Variants in OSBPL2 observed in about 807,000 individuals in gnomAD.
OSBPL2 encodes the protein oxysterol-binding protein-related protein 2.
OSBPL2 carries 18 observed loss-of-function variants against 58.4 expected under a neutral mutation model. The ratio of observed to expected loss-of-function variants is 0.31; its 90% CI spans 0.21 to 0.46. The LOEUF (loss-of-function observed/expected upper bound fraction) is 0.46, where lower values mean the gene tolerates loss of function less well. OSBPL2 is among the 20% of genes least tolerant of loss of function. OSBPL2 has a pLI of 1.00. For synonymous variants in OSBPL2, 221 were observed against 234.1 expected (o/e 0.94, Z 0.51); for missense variants, 461 against 616.5 (o/e 0.75, Z 2.67).
At chr20:62,251,248 G>T (rs927760869) in intron 1 of OSBPL2, among the ~76,000 whole-genome samples, 8 of 151,124 alleles carry the variant, frequency 5.3e-5, no homozygotes, top group African/African-American at 1.9e-4. Flanking sequence ...TAGAGACAGG[G>T]TTTCACTGTG....
intron 2 of OSBPL2, 22 bp from the exon 3 acceptor site, chr20:62,259,959 A>T: frequency 6.2e-7 from 1 of 1,604,568 alleles, no homozygotes; most frequent in South Asian, 1.1e-5. Context: ...AGCGAAAATG[A>T]CCATTTTCTT....
rs1982963064 is a variant in OSBPL2, at chr20:62,284,106, T to C, written c.933T>C (p.Pro311=). The C allele has an allele frequency of 1.2e-6, 2 of 1,614,054 alleles. No homozygotes were observed. The highest frequency in any genetic ancestry group is 8.5e-7 in the Non-Finnish European group (1 of 1,179,996). ...CGGAATGTTTGTGGGGCATAGATCC[T>C]GTTTCGTATGAATCCTTCAAGAAGC... ...KWTECLWGID[P]VSYESFKKQE... is the part of the protein sequence containing the mutation. Residue 311 remains proline, a synonymous_variant, in exon 10 of 14, where the codon CCT becomes CCC. Coordinates refer to ENST00000313733, the MANE Select transcript of OSBPL2 (RefSeq NM_144498.4).
Position 62,284,181 on chromosome 20 carries a change from G to A in OSBPL2, c.996+12G>A, listed in dbSNP as rs1355915298. 3 of 1,614,024 alleles carry A rather than the reference G, an allele frequency of 1.9e-6. 1 individual carries two copies. Among genetic ancestry groups the A allele is most frequent in the South Asian group, 2.2e-5 (2 of 91,076 alleles). On this transcript the variant is annotated intron_variant, in intron 10 of 13. Coordinates refer to ENST00000313733, the MANE Select transcript of OSBPL2 (RefSeq NM_144498.4). Reference sequence around the variant, plus strand: ...GAAAGGCCAAGCTGGTAAGGGCTGGGGCGTCCCCGGGCAGAGCTGAGCCCT... The same window carrying A: ...GAAAGGCCAAGCTGGTAAGGGCTGGAGCGTCCCCGGGCAGAGCTGAGCCCT...
At chr20:62,251,037 A>ATT (rs35328509) in intron 1 of OSBPL2, among the ~76,000 whole-genome samples, 1,865 of 97,800 alleles carry the variant, frequency 0.019, 16 homozygotes, top group African/African-American at 0.025. Flanking sequence ...AGAGCAATAG[A>ATT]TTTTTTTTTT....
At chr20:62,279,125 A>G in intron 6 of OSBPL2, 32 bp from the exon 7 acceptor site, 6 of 1,571,474 alleles carry the variant, frequency 3.8e-6, no homozygotes, top group Non-Finnish European at 5.2e-6. Context: ...TGCTGCCATT[A>G]ATGTGTCTCT....
intron 1 of OSBPL2, among the ~76,000 whole-genome samples, chr20:62,253,704 G>A (rs1481668006): frequency 6.8e-6 from 1 of 147,258 alleles, no homozygotes; most frequent in Non-Finnish European, 1.5e-5. Context: ...AGAGAGAGAG[G>A]AGAGAGGGAA....
intron 12 of OSBPL2, 34 bp downstream of exon 12, chr20:62,289,364 G>A (rs1983343739): frequency 2.6e-5 from 42 of 1,604,808 alleles, no homozygotes; most frequent in Non-Finnish European, 3.5e-5. Flanking sequence ...GAAGCTTGGG[G>A]CCAAGGACGC....
In OSBPL2 at chr20:62,295,352, C is replaced by T. The variant is rs1205268294; in HGVS notation, c.*1465C>T. 1 of 152,222 alleles carries T rather than the reference C, an allele frequency of 6.6e-6. No individual in the cohort carries two copies. Among genetic ancestry groups the T allele is most frequent in the Admixed American group, 6.5e-5 (1 of 15,282 alleles). 9.4% of individuals were successfully genotyped at this position (152,222 alleles called of 1,614,324 possible). On this transcript the variant is annotated 3_prime_UTR_variant, in exon 14 of 14. Transcript: ENST00000313733. This position sits in a 1 kb window ranked among gnomAD's most constrained non-coding sequence, Gnocchi z 4.8. ...GTGCACGCACGCACACACTCATGCA[C>T]ACGCTGACACGCGGTTGCATGGAGT...
intron 1 of OSBPL2, among the ~76,000 whole-genome samples, chr20:62,252,443 C>T (rs980267198): frequency 1.3e-5 from 2 of 152,202 alleles, no homozygotes; most frequent in African/African-American, 2.4e-5. Context: ...GGTGTGCCCA[C>T]GCCTAAGAAG....
Position 62,256,090 on chromosome 20 carries a change from A to G in OSBPL2, c.-95A>G. On this transcript the variant is annotated 5_prime_UTR_variant, in exon 2 of 14. Coordinates refer to ENST00000313733, the MANE Select transcript of OSBPL2 (RefSeq NM_144498.4). ...TGTCTATTGGATTTTTCCAAGAGAA[A>G]GTTTGTAAAATTCCTTACACTGTAG... is the stretch of plus-strand genomic sequence containing the variant. 5 of 1,461,552 alleles carry G rather than the reference A, an allele frequency of 3.4e-6. No individual in the cohort carries two copies. Among genetic ancestry groups the G allele is most frequent in the South Asian group, 2.6e-5 (2 of 78,100 alleles). 90.5% of individuals were successfully genotyped at this position (1,461,552 alleles called of 1,614,324 possible). A position where few individuals can be genotyped will look rare whatever the true frequency, so the allele number is the denominator to read the frequency against.
Position 62,294,296 on chromosome 20 carries a change from G to C in OSBPL2, c.*409G>C, listed in dbSNP as rs770231057. The C allele has an allele frequency of 5.7e-6, 1 of 176,614 alleles. No individual in the cohort carries two copies. 10.9% of individuals were successfully genotyped at this position (176,614 alleles called of 1,614,324 possible). On this transcript the variant is annotated 3_prime_UTR_variant, in exon 14 of 14. Transcript: ENST00000313733. ...AAGGTTCTGAAAGCCTTTTAAACTC[G>C]AACCAGTGGGGGAAAGATGGATCTT...
In OSBPL2 at chr20:62,280,937, G is replaced by A. The variant is rs1319859375; in HGVS notation, c.675-121G>A. 2.4e-5 allele frequency: 17 copies of A among 720,210 alleles called. No homozygotes were observed. The East Asian group carries it at 2.5e-4, about 11-fold the overall frequency. 44.6% of individuals were successfully genotyped at this position (720,210 alleles called of 1,614,324 possible). A position where few individuals can be genotyped will look rare whatever the true frequency, so the allele number is the denominator to read the frequency against. Reference sequence around the variant, plus strand: ...TCCGTCGCAGGGGCTTCAAAGCAGCGTGCTGCTCTCCCGCGGGTGCCGGTT... The same window carrying A: ...TCCGTCGCAGGGGCTTCAAAGCAGCATGCTGCTCTCCCGCGGGTGCCGGTT... On this transcript the variant is annotated intron_variant, in intron 7 of 13. Transcript: ENST00000313733.
intron 8 of OSBPL2, 48 bp downstream of exon 8, chr20:62,281,213 A>G (rs1481285129): frequency 7.2e-7 from 1 of 1,391,546 alleles, no homozygotes; most frequent in South Asian, 1.2e-5. Context: ...CCGGGTGGGG[A>G]TGGGCGAGCC....
chr20:62,285,796 T>A (rs1213572303), intron 10 of OSBPL2: 1 of 148,768 alleles, frequency 6.7e-6, no homozygotes, highest in Non-Finnish European at 1.5e-5. Flanking sequence ...GGCCACTGAC[T>A]TCCTTCATCT....
intron 1 of OSBPL2, among the ~76,000 whole-genome samples, chr20:62,246,060 C>T (rs1208222703): frequency 3.3e-5 from 5 of 152,224 alleles, no homozygotes; most frequent in Admixed American, 2.0e-4. Flanking sequence ...GGCGCGGGGC[C>T]GGCTGCCATT....
intron 7 of OSBPL2, chr20:62,280,047 C>T (rs1982682491): frequency 7.7e-7 from 1 of 1,304,144 alleles, no homozygotes; most frequent in Admixed American, 2.3e-5. Flanking sequence ...CACAAGTCTC[C>T]AACAAATGCC....
At chr20:62,253,740 A>G (rs1251144506) in intron 1 of OSBPL2, among the ~76,000 whole-genome samples, 2 of 137,878 alleles carry the variant, frequency 1.5e-5, no homozygotes, top group Non-Finnish European at 3.2e-5. Flanking sequence ...GGGGGAGGCA[A>G]AGGGAGGGGG....
chr20:62,258,847 G>A (rs1271119743), intron 2 of OSBPL2: 1 of 152,202 alleles, frequency 6.6e-6, no homozygotes, highest in Non-Finnish European at 1.5e-5. Flanking sequence ...TTGATTTTGG[G>A]ACAGAGAGCA....
chr20:62,272,372 C>T (rs1250638626), intron 5 of OSBPL2, 113 bp downstream of exon 5: 2 of 1,144,526 alleles, frequency 1.7e-6, no homozygotes, highest in African/African-American at 1.5e-5. Flanking sequence ...CAGCTCCCCC[C>T]AGTGTTCAGT....
Sources: gnomAD v4.1 joint callset for allele counts (sites outside exome capture counted in the v4.1 genomes callset) on GRCh38, gnomAD v4.1.1 for gene constraint, Gnocchi (gnomAD v3.1) non-coding constraint, MANE v1.5 for transcripts, NCBI Gene and HGNC (gene_info 2026-07-23, HGNC 2026-07-21) for gene names.